Variants in DAB1 observed in about 807,000 individuals in gnomAD.
DAB1 encodes disabled homolog 1.
DAB1 carries 15 observed loss-of-function variants against 64.6 expected under a neutral mutation model. That is an observed-to-expected ratio of 0.23 (90% CI 0.16 to 0.36). DAB1 has a LOEUF of 0.36. Ranked by LOEUF, DAB1 falls within the 10% of genes least tolerant of loss-of-function variation. The pLI is 1.00. For missense variants in DAB1, 596 were observed against 706.7 expected (o/e 0.84, Z 1.78); for synonymous variants, 235 against 251.9 (o/e 0.93, Z 0.64).
chr1:57,353,472 T>A (rs919203363), intron 1 of DAB1, among the ~76,000 whole-genome samples: 1 of 152,196 alleles, frequency 6.6e-6, no homozygotes, highest in East Asian at 1.9e-4. Context: ...GAGCTTCCAA[T>A]AGACAACAGA....
chr1:58,166,496 T>C lies in DAB1; in HGVS notation n.310-15908A>G, dbSNP rs147621013. ...TCAGTATTATTAGTATTTCATTACA[T>C]TTTATTCCACTGCCTGGGTATACTA... On this transcript the variant is annotated intron_variant and non_coding_transcript_variant, in intron 4 of 20. Transcript: ENST00000485760. Among the ~76,000 whole-genome samples, 30 of 152,344 alleles carry C rather than the reference T, an allele frequency of 2.0e-4. 2 individuals carry two copies. In the East Asian group the frequency reaches 5.6e-3, roughly 28 times the overall value.
At chr1:57,291,953 C>T (rs901086148) in intron 1 of DAB1, among the ~76,000 whole-genome samples, 5 of 152,134 alleles carry the variant, frequency 3.3e-5, no homozygotes, top group African/African-American at 1.2e-4. Flanking sequence ...GTGTCTCACT[C>T]GATCTCATTT....
At chr1:57,229,857 C>T (rs988515164) in intron 2 of DAB1, among the ~76,000 whole-genome samples, 1 of 152,168 alleles carries the variant, frequency 6.6e-6, no homozygotes, top group Non-Finnish European at 1.5e-5. Context: ...AGAAAAGTCT[C>T]TCAGTTGACC....
chr1:57,990,145 C>T (rs1448570672), intron 5 of DAB1, among the ~76,000 whole-genome samples: 1 of 152,168 alleles, frequency 6.6e-6, no homozygotes, highest in African/African-American at 2.4e-5. Context: ...GTCTCCTCAG[C>T]TCCCAGGAAA....
At chr1:57,837,038 C>T (rs967956873) in intron 1 of DAB1, among the ~76,000 whole-genome samples, 1 of 152,140 alleles carries the variant, frequency 6.6e-6, no homozygotes, top group African/African-American at 2.4e-5. Flanking sequence ...AAAACCCAAA[C>T]CCACCTCGTG....
intron 5 of DAB1, among the ~76,000 whole-genome samples, chr1:58,127,890 G>A (rs1570390189): frequency 6.6e-6 from 1 of 152,186 alleles, no homozygotes; most frequent in Non-Finnish European, 1.5e-5. Flanking sequence ...AAGTCAGGTA[G>A]TGTGATGCCT....
At chr1:57,575,103 C>T (rs1365201197) in intron 7 of DAB1, among the ~76,000 whole-genome samples, 1 of 152,150 alleles carries the variant, frequency 6.6e-6, no homozygotes, top group Non-Finnish European at 1.5e-5. Flanking sequence ...GAACAGGGAA[C>T]AGGGTGAAGG....
intron 7 of DAB1, among the ~76,000 whole-genome samples, chr1:57,542,923 A>C (rs1049450130): frequency 6.6e-6 from 1 of 152,094 alleles, no homozygotes; most frequent in Admixed American, 6.6e-5. Flanking sequence ...CTCTCAGATC[A>C]CTTGCTCTGG....
intron 3 of DAB1, chr1:58,462,861 A>T (rs930700786): frequency 6.6e-6 from 1 of 152,218 alleles, no homozygotes; most frequent in African/African-American, 2.4e-5. Context: ...GAACTGAAAC[A>T]TGTACAGAAC....
At chr1:57,139,541 C>T (rs964536347) in intron 3 of DAB1, among the ~76,000 whole-genome samples, 9 of 152,144 alleles carry the variant, frequency 5.9e-5, no homozygotes, top group African/African-American at 1.9e-4. Context: ...ACTGTCAAAG[C>T]GGAGGAGACT....
intron 1 of DAB1, among the ~76,000 whole-genome samples, chr1:57,320,175 TG>T (rs778267012): frequency 6.6e-6 from 1 of 152,180 alleles, no homozygotes. Flanking sequence ...GACTGTATTA[TG>T]GGGGGTGCCA....
chr1:58,490,325 T>G (rs1645658539), intron 3 of DAB1, among the ~76,000 whole-genome samples: 1 of 151,998 alleles, frequency 6.6e-6, no homozygotes, highest in Non-Finnish European at 1.5e-5. Flanking sequence ...TTCGATCAAC[T>G]GGAAGAAAAG....
intron 6 of DAB1, among the ~76,000 whole-genome samples, chr1:57,811,348 T>C (rs918491602): frequency 2.0e-5 from 3 of 152,188 alleles, no homozygotes; most frequent in South Asian, 2.1e-4. Flanking sequence ...GTTCTTGTGA[T>C]AGTGAGTTCT....
intron 4 of DAB1, among the ~76,000 whole-genome samples, chr1:58,329,987 T>C (rs1212628823): frequency 6.6e-6 from 1 of 152,168 alleles, no homozygotes; most frequent in African/African-American, 2.4e-5. Flanking sequence ...CACATATTTC[T>C]CACTTTAAAT....
At chr1:57,698,910 T>C (rs1646876300) in intron 6 of DAB1, among the ~76,000 whole-genome samples, 1 of 152,210 alleles carries the variant, frequency 6.6e-6, no homozygotes, top group African/African-American at 2.4e-5. Context: ...ACTGGCATGC[T>C]TTCCATGTTC....
intron 5 of DAB1, among the ~76,000 whole-genome samples, chr1:57,944,443 T>G (rs1175097533): frequency 6.6e-6 from 1 of 152,192 alleles, no homozygotes; most frequent in Non-Finnish European, 1.5e-5. Flanking sequence ...TTTCTTCACA[T>G]GTATATGTCC....
At chr1:57,966,371 C>T (rs929122462) in intron 5 of DAB1, among the ~76,000 whole-genome samples, 13 of 152,120 alleles carry the variant, frequency 8.5e-5, no homozygotes, top group Admixed American at 2.6e-4. Context: ...ATGTTGCCCC[C>T]TCATCATTAT....
chr1:57,887,165 T>C (rs1386492624), upstream of DAB1, among the ~76,000 whole-genome samples: 3 of 152,176 alleles, frequency 2.0e-5, no homozygotes, highest in African/African-American at 7.2e-5. Context: ...CTTTGGTAGT[T>C]TTCTTTCCAG....
intron 5 of DAB1, among the ~76,000 whole-genome samples, chr1:58,071,203 G>A (rs905113436): frequency 1.1e-4 from 16 of 152,166 alleles, no homozygotes; most frequent in African/African-American, 3.9e-4. Context: ...GTTCTTTCGT[G>A]TGTTGTATTC....
Sources: gnomAD v4.1 joint callset for allele counts (sites outside exome capture counted in the v4.1 genomes callset) on GRCh38, gnomAD v4.1.1 for gene constraint, MANE v1.5 for transcripts, NCBI Gene and HGNC (gene_info 2026-07-23, HGNC 2026-07-21) for gene names.